The following CPPED1 variants were observed in gnomAD, a reference collection of about 807,000 sequenced individuals.
CPPED1 encodes calcineurin like phosphoesterase domain containing 1.
In CPPED1, 28 loss-of-function variants were observed where a neutral mutation model predicts 28.0. The observed-to-expected ratio is 1.00, with a 90% CI of 0.74 to 1.37. The LOEUF (loss-of-function observed/expected upper bound fraction) is 1.37. Ranked by LOEUF, CPPED1 falls within the 40% of genes most tolerant of loss-of-function variation. The pLI is 0.00. For synonymous variants in CPPED1, 198 were observed against 180.2 expected, an observed-to-expected ratio of 1.10 and a Z score of -0.79; for missense variants, 504 against 416.5, an observed-to-expected ratio of 1.21 and a Z score of -1.83.
chr16:12,694,666 G>A (rs1048006010), intron 3 of CPPED1, among the ~76,000 whole-genome samples: 6 of 134,470 alleles, frequency 4.5e-5, no homozygotes, highest in African/African-American at 1.7e-4. Flanking sequence ...AAAACAAAGA[G>A]GGTAAACTTC....
chr16:12,702,500 T>G (rs2080025714), intron 3 of CPPED1, among the ~76,000 whole-genome samples: 1 of 152,056 alleles, frequency 6.6e-6, no homozygotes. Flanking sequence ...ATCACGCCAC[T>G]GCACGCCAGC....
chr16:12,761,608 G>A (rs934174456), intron 2 of CPPED1, among the ~76,000 whole-genome samples: 2 of 152,162 alleles, frequency 1.3e-5, no homozygotes, highest in East Asian at 3.9e-4. Flanking sequence ...GAAGAGACTA[G>A]TTAACCAGAA....
intron 3 of CPPED1, among the ~76,000 whole-genome samples, chr16:12,675,573 A>G (rs2079873708): frequency 6.6e-6 from 1 of 152,246 alleles, no homozygotes; most frequent in Non-Finnish European, 1.5e-5. Flanking sequence ...CAAATCAATC[A>G]GGAAATTGAG....
At chr16:12,767,425 G>T (rs1300874077) in intron 2 of CPPED1, among the ~76,000 whole-genome samples, 1 of 152,130 alleles carries the variant, frequency 6.6e-6, no homozygotes, top group Admixed American at 6.6e-5. Flanking sequence ...CAGAAATCAT[G>T]TCTTCTCAGC....
chr16:12,755,345 G>A (rs28461718), intron 2 of CPPED1, among the ~76,000 whole-genome samples: 10,227 of 146,292 alleles, frequency 0.07, 652 homozygotes, highest in African/African-American at 0.16. Context: ...TCAGTGGCAC[G>A]ATCATAGCTC....
chr16:12,708,044 G>A (rs1448702225), intron 2 of CPPED1, among the ~76,000 whole-genome samples: 2 of 152,214 alleles, frequency 1.3e-5, no homozygotes, highest in Non-Finnish European at 2.9e-5. Context: ...CTACTCGGGA[G>A]GCTGAGGCAG....
At chr16:12,691,860 G>A (rs1176424602) in intron 3 of CPPED1, among the ~76,000 whole-genome samples, 7 of 149,002 alleles carry the variant, frequency 4.7e-5, no homozygotes, top group Non-Finnish European at 1.0e-4. Context: ...CATGCCTAAT[G>A]TTAAATGATG....
intron 2 of CPPED1, among the ~76,000 whole-genome samples, chr16:12,731,215 G>A (rs1348520953): frequency 3.3e-5 from 5 of 150,246 alleles, no homozygotes; most frequent in Non-Finnish European, 4.4e-5. Flanking sequence ...GTGCAGTGGC[G>A]CGATCTCGGC....
chr16:12,750,178 T>G (rs1236518093), intron 2 of CPPED1, among the ~76,000 whole-genome samples: 1 of 152,212 alleles, frequency 6.6e-6, no homozygotes, highest in Non-Finnish European at 1.5e-5. Flanking sequence ...TTTCTTATCA[T>G]TTATGTGTTT....
chr16:12,695,218 T>A (rs7197778), intron 3 of CPPED1, among the ~76,000 whole-genome samples: 1 of 152,104 alleles, frequency 6.6e-6, no homozygotes, highest in Non-Finnish European at 1.5e-5. Flanking sequence ...TGGTGAGGTA[T>A]GTTAAATTAA....
intron 2 of CPPED1, among the ~76,000 whole-genome samples, chr16:12,722,217 G>A (rs2080144925): frequency 6.6e-6 from 1 of 152,166 alleles, no homozygotes; most frequent in Non-Finnish European, 1.5e-5. Context: ...GCCACTAATG[G>A]AGCCTTTTAC....
chr16:12,799,746 T>C (rs955851186), intron 1 of CPPED1, among the ~76,000 whole-genome samples: 1 of 152,212 alleles, frequency 6.6e-6, no homozygotes, highest in African/African-American at 2.4e-5. Flanking sequence ...CACCTAGTAA[T>C]GTGAACCCAC....
At chr16:12,713,665 A>T (rs540280265) in intron 2 of CPPED1, among the ~76,000 whole-genome samples, 1 of 151,938 alleles carries the variant, frequency 6.6e-6, no homozygotes, top group Non-Finnish European at 1.5e-5. Context: ...CTGGCTATAA[A>T]TCTCGTTTCT....
intron 1 of CPPED1, among the ~76,000 whole-genome samples, chr16:12,783,019 A>G (rs1443594731): frequency 6.6e-6 from 1 of 152,172 alleles, no homozygotes; most frequent in African/African-American, 2.4e-5. Flanking sequence ...ATTGAGTATC[A>G]TACTGGGAGC....
At chr16:12,716,173 T>C (rs2080106096) in intron 2 of CPPED1, among the ~76,000 whole-genome samples, 1 of 152,264 alleles carries the variant, frequency 6.6e-6, no homozygotes, top group Non-Finnish European at 1.5e-5. Flanking sequence ...ACTGGACATG[T>C]TACTTCTGGT....
At chr16:12,751,023 T>C (rs911955161) in intron 2 of CPPED1, among the ~76,000 whole-genome samples, 3 of 150,688 alleles carry the variant, frequency 2.0e-5, no homozygotes, top group Non-Finnish European at 3.0e-5. Flanking sequence ...GAAAAAATGA[T>C]GCTGGATGCA....
intron 3 of CPPED1, among the ~76,000 whole-genome samples, chr16:12,699,964 G>A (rs893397438): frequency 6.6e-6 from 1 of 152,178 alleles, no homozygotes; most frequent in Non-Finnish European, 1.5e-5. Flanking sequence ...GCATAACTGA[G>A]TCATGGATGC....
At chr16:12,744,503 G>A (rs2080274608) in intron 2 of CPPED1, among the ~76,000 whole-genome samples, 1 of 152,186 alleles carries the variant, frequency 6.6e-6, no homozygotes, top group Admixed American at 6.5e-5. Flanking sequence ...CTTGAGACAT[G>A]GACTAGCAGG....
intron 3 of CPPED1, among the ~76,000 whole-genome samples, chr16:12,674,921 G>A (rs139935492): frequency 2.9e-4 from 44 of 152,270 alleles, no homozygotes; most frequent in African/African-American, 9.9e-4. Context: ...GCTCCTCATC[G>A]CCCCACCCAG....
Sources: gnomAD v4.1 joint callset for allele counts (sites outside exome capture counted in the v4.1 genomes callset) on GRCh38, gnomAD v4.1.1 for gene constraint, MANE v1.5 for transcripts, NCBI Gene and HGNC (gene_info 2026-07-23, HGNC 2026-07-21) for gene names.